The following CHD5 variants were observed in gnomAD, a reference collection of about 807,000 sequenced individuals.
CHD5 encodes chromodomain helicase DNA binding protein 5.
CHD5 carries 69 observed loss-of-function variants against 230.3 expected under a neutral mutation model. That is an observed-to-expected ratio of 0.30 (90% CI 0.25 to 0.37). The LOEUF (loss-of-function observed/expected upper bound fraction) is 0.37. CHD5 is among the 10% of genes least tolerant of loss of function. The pLI is 1.00. For missense variants in CHD5, 1,827 were observed against 2,622.8 expected (o/e 0.70, Z 6.63); for synonymous variants, 1,064 against 1,065.9 (o/e 1.00, Z 0.03).
Position 6,147,008 on chromosome 1 carries a change from G to A in CHD5, c.1384-137C>T, listed in dbSNP as rs932888375. On this transcript the variant is annotated intron_variant, in intron 9 of 41. Transcript: ENST00000262450. ...CAAGTCAGAACAGTACCACGGTGACGCCATGACATCCACCCCGTCCCCAGG... is the reference window on the plus strand; with the variant it reads ...CAAGTCAGAACAGTACCACGGTGACACCATGACATCCACCCCGTCCCCAGG... 5.5e-4 allele frequency: 363 copies of A among 665,528 alleles called. 1 individual carries two copies. The highest frequency in any genetic ancestry group is 3.4e-4 in the East Asian group (12 of 34,826). 41.2% of individuals were successfully genotyped at this position (665,528 alleles called of 1,614,324 possible). A position where few individuals can be genotyped will look rare whatever the true frequency, so the allele number is the denominator to read the frequency against.
intron 33 of CHD5, among the ~76,000 whole-genome samples, chr1:6,114,507 A>AAC (rs3036972): frequency 0.36 from 53,394 of 150,394 alleles, 9,619 homozygotes; most frequent in South Asian, 0.45. Flanking sequence ...TATACACATA[A>AAC]ACACACACAC....
chr1:6,174,573 G>A (rs1030895039), intron 1 of CHD5, among the ~76,000 whole-genome samples: 18 of 150,696 alleles, frequency 1.2e-4, no homozygotes, highest in Admixed American at 1.3e-4. Context: ...ATGGTGGATG[G>A]GTGGATAGTG....
intron 33 of CHD5, among the ~76,000 whole-genome samples, chr1:6,116,601 ACAGCAGCCTTCTCAGCTTCT>A (rs1553137911): frequency 6.6e-6 from 1 of 152,246 alleles, no homozygotes; most frequent in Non-Finnish European, 1.5e-5. Flanking sequence ...AATTACACCA[ACAGCAGCCTTCTCAGCTTCT>A]CAGCAGCCTT....
chr1:6,136,585 C>T lies in CHD5; in HGVS notation c.2628G>A (p.Gly876=). ...YKIDYKLLLT[G]TPLQNNLEEL... ...CCTCCAGGTTGTTCTGAAGGGGGGT[C>T]CCTGTCAGCAGCAGCTTGTAATCAA... Residue 876 remains glycine (G), a synonymous_variant, in exon 17 of 42, where the codon GGG becomes GGA. Transcript: ENST00000262450. The T allele has an allele frequency of 6.2e-7, 1 of 1,614,178 alleles. No homozygotes were observed. Among genetic ancestry groups the T allele is most frequent in the Non-Finnish European group, 8.5e-7 (1 of 1,180,034 alleles).
rs1666596203 is a variant in CHD5, at chr1:6,128,307, C to T, written c.3731-89G>A. 5.8e-6 allele frequency: 8 copies of T among 1,375,916 alleles called. No individual in the cohort carries two copies. The allele number at this position is 1,375,916 out of a possible 1,614,324, so 85.2% of individuals were successfully genotyped here. ...GAACAGACTCCCAACAATGGCCCTTCCCATCCCCAGCAGGGGCTGCAGCTG... is the reference window on the plus strand; with the variant it reads ...GAACAGACTCCCAACAATGGCCCTTTCCATCCCCAGCAGGGGCTGCAGCTG... On this transcript the variant is annotated intron_variant, in intron 24 of 41. Transcript: ENST00000262450. The surrounding 1 kb of genome is among the most constrained non-coding windows in gnomAD (Gnocchi z 7.8).
chr1:6,102,622 G>C lies in CHD5; in HGVS notation c.*2852C>G, dbSNP rs1416883284. The C allele has an allele frequency of 6.6e-6, 1 of 152,274 alleles. No individual in the cohort carries two copies. Among genetic ancestry groups the C allele is most frequent in the Non-Finnish European group, 1.5e-5 (1 of 68,058 alleles). The allele number at this position is 152,274 out of a possible 1,614,324, so 9.4% of individuals were successfully genotyped here. A position where few individuals can be genotyped will look rare whatever the true frequency, so the allele number is the denominator to read the frequency against. On this transcript the variant is annotated 3_prime_UTR_variant, in exon 42 of 42. Transcript: ENST00000262450. ...TCAAGTGTCCTGGGATGACAGGAGT[G>C]AGGGCTGCAGGTGTCACCGGGCCAA...
intron 15 of CHD5, among the ~76,000 whole-genome samples, chr1:6,140,693 G>C (rs1248068476): frequency 3.3e-5 from 5 of 151,988 alleles, no homozygotes; most frequent in African/African-American, 7.3e-5. Context: ...TTTGGAAATA[G>C]GGTCTTTGCA....
intron 2 of CHD5, among the ~76,000 whole-genome samples, chr1:6,166,909 C>A (rs1571171548): frequency 2.0e-5 from 3 of 152,188 alleles, no homozygotes; most frequent in Non-Finnish European, 4.4e-5. Context: ...GCACCACCCG[C>A]AACAGGCCCT....
chr1:6,171,786 C>G (rs1667342208), intron 1 of CHD5, among the ~76,000 whole-genome samples: 1 of 152,248 alleles, frequency 6.6e-6, no homozygotes, highest in South Asian at 2.1e-4. Context: ...GGCATCCTGC[C>G]CGTCCCGGGT....
At chr1:6,113,266 TACAACA>T (rs1375952669) in intron 33 of CHD5, 1 of 445,036 alleles carries the variant, frequency 2.2e-6, no homozygotes, top group East Asian at 4.7e-5. Context: ...CTACAAAAAA[TACAACA>T]ACTTAGCTGG....
intron 1 of CHD5, among the ~76,000 whole-genome samples, chr1:6,172,392 A>G (rs141873479): frequency 6.6e-6 from 1 of 152,106 alleles, no homozygotes; most frequent in African/African-American, 2.4e-5. Flanking sequence ...TGTTATGATC[A>G]TGGCTCACTG....
chr1:6,118,119 T>G (rs1666405239), intron 33 of CHD5, among the ~76,000 whole-genome samples: 1 of 152,218 alleles, frequency 6.6e-6, no homozygotes, highest in Non-Finnish European at 1.5e-5. Context: ...GTACTGCCTG[T>G]AATCCCAGCA....
intron 25 of CHD5, among the ~76,000 whole-genome samples, chr1:6,127,836 A>G (rs560887462): frequency 6.6e-6 from 1 of 152,086 alleles, no homozygotes; most frequent in African/African-American, 2.4e-5. Context: ...CGCCCTGCAG[A>G]GGCCGGAGCA....
At chr1:6,145,421 G>A (rs116705967) in intron 11 of CHD5, among the ~76,000 whole-genome samples, 1,583 of 152,312 alleles carry the variant, frequency 0.01, 34 homozygotes, top group African/African-American at 0.036. Flanking sequence ...CAAGCTCCAA[G>A]CTGCCACCAG....
At chr1:6,159,784 C>G (rs1374671830) in intron 2 of CHD5, among the ~76,000 whole-genome samples, 2 of 152,276 alleles carry the variant, frequency 1.3e-5, no homozygotes, top group Non-Finnish European at 2.9e-5. Context: ...AGGTGAGGCT[C>G]TCGTGAGAGC....
chr1:6,128,823 G>A lies in CHD5; in HGVS notation c.3619+15C>T, dbSNP rs747484429. 42 of 1,599,702 alleles carry A rather than the reference G, an allele frequency of 2.6e-5. No individual in the cohort carries two copies. The highest frequency in any genetic ancestry group is 9.9e-5 in the South Asian group (9 of 90,812). ...CCCCAGTCCCCTGCCACGCTCCCTC[G>A]GAACAGAGGCCCACCCTCCACGTCG... is the stretch of plus-strand genomic sequence containing the variant. On this transcript the variant is annotated intron_variant, in intron 23 of 41. Coordinates refer to ENST00000262450, the MANE Select transcript of CHD5 (RefSeq NM_015557.3). The surrounding 1 kb of genome is among the most constrained non-coding windows in gnomAD (Gnocchi z 7.8).
Position 6,155,645 on chromosome 1 carries a change from C to T in CHD5, c.460G>A (p.Asp154Asn). ...TTGTAGTTGGTCAGCGTGTGGTAAT[C>T]CTCCTCCGAGAACAGGTAGTCCACG... is the stretch of plus-strand genomic sequence containing the variant. ...DDVDYLFSEE[D>N]YHTLTNYKAF... The change falls in exon 4 of 42, where the codon GAT becomes AAT. Residue 154 changes from aspartate to asparagine, a missense_variant. Physicochemically the swap from Asp to Asn is conservative, Grantham distance 23. Around this residue, in one of 14 missense-constraint regions of CHD5, gnomAD observed 657 missense variants for 816.4 expected, o/e 0.80. Transcript: ENST00000262450. The surrounding 1 kb of genome is among the most constrained non-coding windows in gnomAD (Gnocchi z 4.0). 1.2e-6 allele frequency: 2 copies of T among 1,614,154 alleles called. No homozygotes were observed. The highest frequency in any genetic ancestry group is 1.7e-6 in the Non-Finnish European group (2 of 1,180,010).
At chr1:6,152,655 G>A (rs1420309432) in intron 5 of CHD5, 119 bp from the exon 6 acceptor site, 135 of 1,501,838 alleles carry the variant, frequency 9.0e-5, no homozygotes, top group Middle Eastern at 1.9e-4. Context: ...CCATCACCCC[G>A]TTTCAGATGA....
chr1:6,175,589 G>GTGGATGGATGGATTGGAGGATGGA (rs1405050074), intron 1 of CHD5, among the ~76,000 whole-genome samples: 15 of 151,714 alleles, frequency 9.9e-5, no homozygotes, highest in African/African-American at 3.6e-4. Flanking sequence ...TGAATGAATG[G>GTGGATGGATGGATTGGAGGATGGA]TGGATGGATG....
Sources: allele counts gnomAD v4.1 joint callset (sites outside exome capture counted in the v4.1 genomes callset), GRCh38; gene constraint gnomAD v4.1.1; regional missense constraint gnomAD v4.1.1; non-coding constraint Gnocchi (gnomAD v3.1); transcripts MANE v1.5; gene names NCBI Gene and HGNC (gene_info 2026-07-23, HGNC 2026-07-21).